WDR89: variants seen among roughly 807,000 people sequenced by gnomAD.
WDR89 encodes WD repeat domain 89.
WDR89 carries 17 observed loss-of-function variants against 29.1 expected under a neutral mutation model. That is an observed-to-expected ratio of 0.58 (90% CI 0.40 to 0.88). The LOEUF is 0.88. Ranked by LOEUF, WDR89 falls within the 40% of genes least tolerant of loss-of-function variation. WDR89 has a pLI of 0.00. For missense variants in WDR89, 396 were observed against 456.3 expected (o/e 0.87, Z 1.20); for synonymous variants, 138 against 157.8 (o/e 0.87, Z 0.94).
intron 2 of WDR89, among the ~76,000 whole-genome samples, chr14:63,610,219 TAAAAAAAAA>T (rs56984803): frequency 1.5e-5 from 1 of 65,326 alleles, no homozygotes; most frequent in East Asian, 5.0e-4. Context: ...GACTCTGTCT[TAAAAAAAAA>T]AAAAAAAAAA....
chr14:63,625,866 T>G (rs1480587627), intron 1 of WDR89, among the ~76,000 whole-genome samples: 1 of 152,044 alleles, frequency 6.6e-6, no homozygotes, highest in Non-Finnish European at 1.5e-5. Context: ...GGACTTTTTT[T>G]TTTTTTTTGA....
Position 63,638,275 on chromosome 14 carries a change from C to A in WDR89, c.-138+3529G>T, listed in dbSNP as rs961961473. On this transcript the variant is annotated intron_variant, in intron 1 of 2. Transcript: ENST00000620954. Reference sequence around the variant, plus strand: ...GTAAGTTTTAAAAAAAAGTCACTGCCCCCCCAAAAAAGAAAATTACAAGAA... The same window carrying A: ...GTAAGTTTTAAAAAAAAGTCACTGCACCCCCAAAAAAGAAAATTACAAGAA... Among the ~76,000 whole-genome samples, 3 of 152,176 alleles carry A rather than the reference C, an allele frequency of 2.0e-5. No individual in the cohort carries two copies. In the East Asian group the frequency reaches 5.8e-4, roughly 29 times the overall value.
chr14:63,639,084 AG>A (rs1385483022), intron 1 of WDR89, among the ~76,000 whole-genome samples: 1 of 152,200 alleles, frequency 6.6e-6, no homozygotes, highest in Non-Finnish European at 1.5e-5. Flanking sequence ...CCACAAGCCA[AG>A]GAAGACAGGC....
chr14:63,618,955 A>AGTCAAGTTAACAATGAAATGTGGGTCTAG (rs1346639302), intron 2 of WDR89, among the ~76,000 whole-genome samples: 1 of 152,226 alleles, frequency 6.6e-6, no homozygotes, highest in African/African-American at 2.4e-5. Flanking sequence ...CTTTTTAGCC[A>AGTCAAGTTAACAATGAAATGTGGGTCTAG]GTCAAGTTAA....
intron 2 of WDR89, among the ~76,000 whole-genome samples, chr14:63,612,044 C>T (rs1223310591): frequency 6.6e-6 from 1 of 151,876 alleles, no homozygotes; most frequent in Non-Finnish European, 1.5e-5. Context: ...AAATTTTTAA[C>T]ATATCATTGA....
intron 2 of WDR89, chr14:63,601,650 G>C: frequency 6.2e-7 from 1 of 1,613,264 alleles, no homozygotes; most frequent in Non-Finnish European, 8.5e-7. Flanking sequence ...AGTAGTCGCT[G>C]TTGGATCGGG....
chr14:63,634,342 T>C (rs1883596398), intron 1 of WDR89, among the ~76,000 whole-genome samples: 1 of 152,022 alleles, frequency 6.6e-6, no homozygotes, highest in African/African-American at 2.4e-5. Flanking sequence ...ACCAACATGG[T>C]GAAACCCCTT....
intron 1 of WDR89, among the ~76,000 whole-genome samples, chr14:63,640,235 CAAGA>C (rs1399321531): frequency 1.3e-5 from 2 of 152,154 alleles, no homozygotes; most frequent in Non-Finnish European, 2.9e-5. Flanking sequence ...CCAGGCTCCA[CAAGA>C]AAGAATTTGA....
At position 63,597,459 on chromosome 14, in the gene WDR89, T is replaced by C; in HGVS notation, c.*1320A>G. The C allele has an allele frequency of 6.6e-6, 1 of 152,264 alleles. No individual in the cohort carries two copies. The highest frequency in any genetic ancestry group is 6.5e-5 in the Admixed American group (1 of 15,278). 9.4% of individuals were successfully genotyped at this position (152,264 alleles called of 1,614,324 possible). A position where few individuals can be genotyped will look rare whatever the true frequency, so the allele number is the denominator to read the frequency against. ...ACTGTTAGTCTGGTTTTGACCCCTGTATTTATCTTCTGTGGCTTTCATCTT... is the reference window on the plus strand; with the variant it reads ...ACTGTTAGTCTGGTTTTGACCCCTGCATTTATCTTCTGTGGCTTTCATCTT... On this transcript the variant is annotated 3_prime_UTR_variant, in exon 3 of 3. Transcript: ENST00000620954.
intron 2 of WDR89, among the ~76,000 whole-genome samples, chr14:63,618,466 T>G (rs1291930324): frequency 6.6e-6 from 1 of 152,128 alleles, no homozygotes; most frequent in Non-Finnish European, 1.5e-5. Context: ...GTAGGCGTAT[T>G]TTAACAAAGA....
At chr14:63,603,621 T>C (rs564849568) in intron 2 of WDR89, among the ~76,000 whole-genome samples, 2 of 152,346 alleles carry the variant, frequency 1.3e-5, no homozygotes, top group East Asian at 1.9e-4. Context: ...CTGTGTATCA[T>C]AATCTATCGC....
intron 1 of WDR89, among the ~76,000 whole-genome samples, chr14:63,635,003 C>G (rs946836860): frequency 3.3e-5 from 5 of 150,724 alleles, no homozygotes; most frequent in Non-Finnish European, 5.9e-5. Flanking sequence ...TGCCACTACA[C>G]TCTGTCTCCA....
intron 2 of WDR89, among the ~76,000 whole-genome samples, chr14:63,610,927 C>T (rs1881944813): frequency 1.3e-5 from 2 of 151,910 alleles, no homozygotes; most frequent in African/African-American, 2.4e-5. Flanking sequence ...GTCTCGAACT[C>T]CTGACCTTGT....
chr14:63,622,261 C>T (rs1882743383), intron 2 of WDR89, among the ~76,000 whole-genome samples: 1 of 151,964 alleles, frequency 6.6e-6, no homozygotes, highest in Non-Finnish European at 1.5e-5. Flanking sequence ...AAGGTGAAAC[C>T]ACGTCTCTAC....
At chr14:63,623,306 G>C (rs1882823317) in intron 2 of WDR89, among the ~76,000 whole-genome samples, 2 of 148,964 alleles carry the variant, frequency 1.3e-5, no homozygotes, top group Non-Finnish European at 3.0e-5. Context: ...ACCAATCATA[G>C]AGAAAAAGTA....
chr14:63,613,131 G>A (rs1456302906), intron 2 of WDR89, among the ~76,000 whole-genome samples: 2 of 152,180 alleles, frequency 1.3e-5, no homozygotes, highest in African/African-American at 4.8e-5. Flanking sequence ...TGGTCCTACA[G>A]GATGGTATAG....
chr14:63,616,852 GTAGT>G (rs935656927), intron 2 of WDR89, among the ~76,000 whole-genome samples: 12 of 152,148 alleles, frequency 7.9e-5, no homozygotes, highest in Non-Finnish European at 1.5e-5. Context: ...AAGAGTATAA[GTAGT>G]TAGTTTAGAG....
intron 1 of WDR89, among the ~76,000 whole-genome samples, chr14:63,632,221 A>T (rs901730066): frequency 6.6e-6 from 1 of 152,186 alleles, no homozygotes; most frequent in Non-Finnish European, 1.5e-5. Flanking sequence ...TACTCATATA[A>T]GCCTGAGGGA....
chr14:63,606,545 T>C (rs986808334), intron 2 of WDR89, among the ~76,000 whole-genome samples: 9 of 152,174 alleles, frequency 5.9e-5, no homozygotes, highest in African/African-American at 2.2e-4. Flanking sequence ...AAGTATTCAG[T>C]AGAGTAAAAT....
Sources: gnomAD v4.1 joint callset for allele counts (sites outside exome capture counted in the v4.1 genomes callset) on GRCh38, gnomAD v4.1.1 for gene constraint, MANE v1.5 for transcripts, NCBI Gene and HGNC (gene_info 2026-07-23, HGNC 2026-07-21) for gene names.